ZNF470: variants seen among roughly 807,000 people sequenced by gnomAD.
ZNF470 encodes zinc finger protein 470, also known as chondrogenesis zinc finger protein 1.
A neutral mutation model predicts 13.9 loss-of-function variants in ZNF470; 13 were observed. The ratio of observed to expected loss-of-function variants is 0.94; its 90% confidence interval spans 0.61 to 1.49. The LOEUF (loss-of-function observed/expected upper bound fraction) is 1.49. Among genes scored for constraint, ZNF470 ranks in the 40% most tolerant of loss-of-function variants. The probability of loss-of-function intolerance (pLI) is 0.00; values close to 1 mark genes in which losing one functional copy is unlikely to be tolerated. For synonymous variants in ZNF470, 293 were observed against 282.9 expected (o/e 1.04, Z -0.36); for missense variants, 929 against 857.3 (o/e 1.08, Z -1.04).
chr19:56,573,179 C>T (rs2044467161), intron 3 of ZNF470, among the ~76,000 whole-genome samples: 1 of 152,150 alleles, frequency 6.6e-6, no homozygotes, highest in African/African-American at 2.4e-5. Context: ...TTCACCTGTT[C>T]TTCTTGGCCT....
chr19:56,582,500 G>A lies in ZNF470; in HGVS notation c.*3917G>A. ...TAAATTTTATACTTTATTCACAAGA[G>A]TCACTGTGAATTGAATTGTGAATTC... On this transcript the variant is annotated 3_prime_UTR_variant, in exon 6 of 6. Coordinates refer to ENST00000330619, the MANE Select transcript of ZNF470 (RefSeq NM_001001668.4). 1 of 985,264 alleles carries A rather than the reference G, an allele frequency of 1.0e-6. No individual in the cohort carries two copies. Among genetic ancestry groups the A allele is most frequent in the Non-Finnish European group, 1.2e-6 (1 of 829,794 alleles). The allele number at this position is 985,264 out of a possible 1,614,324, so 61.0% of individuals were successfully genotyped here. A position where few individuals can be genotyped will look rare whatever the true frequency, so the allele number is the denominator to read the frequency against.
chr19:56,574,362 G>C, intron 3 of ZNF470, 32 bp from the exon 4 acceptor site: 1 of 1,613,056 alleles, frequency 6.2e-7, no homozygotes, highest in Non-Finnish European at 8.5e-7. Context: ...TGTGAACACT[G>C]AGTGAGCAAG....
chr19:56,574,041 A>G (rs2044472398), intron 3 of ZNF470: 1 of 776,478 alleles, frequency 1.3e-6, no homozygotes. Context: ...TAGCTTCTCC[A>G]TGTAGAGAAG....
rs2044533813 is a variant in ZNF470, at chr19:56,581,306, A to G, written c.*2723A>G. The G allele has an allele frequency of 1.3e-6, 1 of 799,002 alleles. No individual in the cohort carries two copies. The highest frequency in any genetic ancestry group is 1.9e-5 in the African/African-American group (1 of 53,400). 49.5% of individuals were successfully genotyped at this position (799,002 alleles called of 1,614,324 possible). On this transcript the variant is annotated 3_prime_UTR_variant, in exon 6 of 6. Transcript: ENST00000330619. ...TAAAGTGATTATCTACTTTTTCCCC[A>G]AAAGACTGACTAATCGAGTGATAAC...
chr19:56,569,751 T>G (rs970352862), intron 2 of ZNF470, among the ~76,000 whole-genome samples: 1 of 151,834 alleles, frequency 6.6e-6, no homozygotes, highest in Non-Finnish European at 1.5e-5. Flanking sequence ...GATACCTAAC[T>G]CCAGGAGGTT....
At chr19:56,571,295 G>C (rs1396048856) in intron 3 of ZNF470, among the ~76,000 whole-genome samples, 1 of 152,188 alleles carries the variant, frequency 6.6e-6, no homozygotes, top group Non-Finnish European at 1.5e-5. Flanking sequence ...GCTGTTAATA[G>C]AGTGTTGCAG....
Position 56,576,978 on chromosome 19 carries a change from G to T in ZNF470, c.549G>T (p.Leu183=), listed in dbSNP as rs373697538. 6 of 1,591,530 alleles carry T rather than the reference G, an allele frequency of 3.8e-6. No homozygotes were observed. In the African/African-American group the frequency reaches 8.2e-5, roughly 22 times the overall value. The change falls in exon 6 of 6, where the codon CTG becomes CTT. Residue 183 remains leucine, a synonymous_variant. Transcript: ENST00000330619. ...HSNKSGTVFH[L]NTLSYIKQIF... ...ACAAATCTGGGACAGTTTTTCATCTGAATACATTATCTTATATAAAACAGA... is the reference window on the plus strand; with the variant it reads ...ACAAATCTGGGACAGTTTTTCATCTTAATACATTATCTTATATAAAACAGA...
In ZNF470 at chr19:56,578,669, T is replaced by C. The variant is rs1224485438; in HGVS notation, c.*86T>C. ...CATAGTCCAAGACGCAACCATCTCA[T>C]CTGGATTTCTGCAGTAGCATAACTG... On this transcript the variant is annotated 3_prime_UTR_variant, in exon 6 of 6. Coordinates refer to ENST00000330619, the MANE Select transcript of ZNF470 (RefSeq NM_001001668.4). 2 of 1,345,274 alleles carry C rather than the reference T, an allele frequency of 1.5e-6. No individual in the cohort carries two copies. The highest frequency in any genetic ancestry group is 1.9e-6 in the Non-Finnish European group (2 of 1,043,886). The allele number at this position is 1,345,274 out of a possible 1,614,324, so 83.3% of individuals were successfully genotyped here.
At chr19:56,569,742 A>G (rs1327830337) in intron 2 of ZNF470, among the ~76,000 whole-genome samples, 2 of 152,020 alleles carry the variant, frequency 1.3e-5, no homozygotes, top group Non-Finnish European at 2.9e-5. Flanking sequence ...GGTTGACCAG[A>G]TACCTAACTC....
rs986311734 is a variant in ZNF470 at position 56,577,581 on chromosome 19, A to T, written c.1152A>T (p.Ile384=). 6.8e-6 allele frequency: 11 copies of T among 1,613,746 alleles called. No individual in the cohort carries two copies. In the Admixed American group the frequency reaches 1.2e-4, roughly 17 times the overall value. The change falls in exon 6 of 6, where the codon ATA becomes ATT. Residue 384 remains isoleucine, a synonymous_variant. Coordinates refer to ENST00000330619, the MANE Select transcript of ZNF470 (RefSeq NM_001001668.4). The stretch of plus-strand genomic sequence containing the variant: ...CTTTCAGGCAGAATGCTTCTCTTAT[A>T]CGTCATCGGCGATATTATCATACTG... ...GKAFRQNASL[I]RHRRYYHTGE... is the part of the protein sequence containing the mutation.
At chr19:56,569,914 C>G (rs964739212) in intron 2 of ZNF470, among the ~76,000 whole-genome samples, 2 of 151,986 alleles carry the variant, frequency 1.3e-5, no homozygotes, top group Admixed American at 1.3e-4. Context: ...CCCTTGAGCC[C>G]AGAGTTTGAA....
intron 2 of ZNF470, among the ~76,000 whole-genome samples, chr19:56,570,001 T>C (rs932347773): frequency 1.7e-5 from 1 of 59,036 alleles, no homozygotes; most frequent in Non-Finnish European, 3.2e-5. Flanking sequence ...AAAAAAAAAA[T>C]GTACACACAC....
chr19:56,574,726 G>A lies in ZNF470; in HGVS notation c.276G>A (p.Leu92=), dbSNP rs770407301. 1 of 1,613,352 alleles carries A rather than the reference G, an allele frequency of 6.2e-7. No homozygotes were observed. Among genetic ancestry groups the A allele is most frequent in the Non-Finnish European group, 8.5e-7 (1 of 1,179,546 alleles). ...WVIKGGMNRG[L]CPDLECVWVT... ...TAAAAGGAGGGATGAACAGAGGCCT[G>A]TGCCCAGGTAAGTGGAGGATACCTA... Residue 92 remains leucine, a synonymous_variant, in exon 5 of 6, where the codon CTG becomes CTA. Transcript: ENST00000330619.
chr19:56,572,805 A>G (rs752112746), intron 3 of ZNF470, among the ~76,000 whole-genome samples: 2 of 152,186 alleles, frequency 1.3e-5, no homozygotes, highest in Non-Finnish European at 2.9e-5. Context: ...AGTAGCCCTT[A>G]GGAATGCAGA....
Position 56,577,838 on chromosome 19 carries a change from T to C in ZNF470, c.1409T>C (p.Leu470Pro). Residue 470 changes from leucine (L) to proline (P), a missense_variant, in exon 6 of 6, where the codon CTT becomes CCT. By Grantham distance (98) the Leu-to-Pro change is moderately conservative (BLOSUM62 -3). Transcript: ENST00000330619. ...KAFSHRGSLT[L>P]HQRVHTGEKP... ...TTCAGCCATCGTGGGTCTCTTACTCTTCATCAGAGAGTTCATACTGGAGAG... is the reference window on the plus strand; with the variant it reads ...TTCAGCCATCGTGGGTCTCTTACTCCTCATCAGAGAGTTCATACTGGAGAG... 1 of 1,612,338 alleles carries C rather than the reference T, an allele frequency of 6.2e-7. No homozygotes were observed.
At position 56,580,792 on chromosome 19, in the gene ZNF470, G is replaced by A; in HGVS notation, c.*2209G>A. On this transcript the variant is annotated 3_prime_UTR_variant, in exon 6 of 6. Coordinates refer to ENST00000330619, the MANE Select transcript of ZNF470 (RefSeq NM_001001668.4). ...CTAGGGGATGGGTAGTCTCACCAGA[G>A]AATGTGGAGCTTTCAGACTCTCCTT... 1 of 966,260 alleles carries A rather than the reference G, an allele frequency of 1.0e-6. No individual in the cohort carries two copies. Among genetic ancestry groups the A allele is most frequent in the Non-Finnish European group, 1.2e-6 (1 of 812,708 alleles). 59.9% of individuals were successfully genotyped at this position (966,260 alleles called of 1,614,324 possible).
In ZNF470 at chr19:56,576,965, C is replaced by T. The variant is rs992750967; in HGVS notation, c.536C>T (p.Thr179Ile). 8 of 1,588,772 alleles carry T rather than the reference C, an allele frequency of 5.0e-6. No individual in the cohort carries two copies. In the Admixed American group the frequency reaches 5.7e-5, roughly 11 times the overall value. The change falls in exon 6 of 6, where the codon ACA becomes ATA. Residue 179 changes from threonine to isoleucine, a missense_variant. Coordinates refer to ENST00000330619, the MANE Select transcript of ZNF470 (RefSeq NM_001001668.4). The part of the protein sequence containing the change: ...EKRDHSNKSG[T>I]VFHLNTLSYI... ...AGAGATCACTCTAACAAATCTGGGA[C>T]AGTTTTTCATCTGAATACATTATCT...
Position 56,578,915 on chromosome 19 carries a change from A to G in ZNF470, c.*332A>G, listed in dbSNP as rs1028004395. Reference sequence around the variant, plus strand: ...AGGTTTCCTTACAAACTATCATATTAAGCAGCAAGTAAACCAAACAGTAAG... The same window carrying G: ...AGGTTTCCTTACAAACTATCATATTGAGCAGCAAGTAAACCAAACAGTAAG... On this transcript the variant is annotated 3_prime_UTR_variant, in exon 6 of 6. Transcript: ENST00000330619. 6.8e-6 allele frequency: 7 copies of G among 1,034,146 alleles called. No homozygotes were observed. The South Asian group carries it at 2.7e-4, about 40-fold the overall frequency. The allele number at this position is 1,034,146 out of a possible 1,614,324, so 64.1% of individuals were successfully genotyped here. A position where few individuals can be genotyped will look rare whatever the true frequency, so the allele number is the denominator to read the frequency against.
In ZNF470 at chr19:56,568,158, A is replaced by G. The variant is rs982356929; in HGVS notation, c.-159+120A>G. 14 of 973,174 alleles carry G rather than the reference A, an allele frequency of 1.4e-5. No individual in the cohort carries two copies. The African/African-American group carries it at 2.5e-4, about 17-fold the overall frequency. 60.3% of individuals were successfully genotyped at this position (973,174 alleles called of 1,614,324 possible). On this transcript the variant is annotated intron_variant, in intron 1 of 5. Transcript: ENST00000330619. ...CCGTTTCTAAGGCTAGTGGACCTGG[A>G]AGTCGAAAGATTTGGAGGGTCACCT...
Sources: allele counts gnomAD v4.1 joint callset (sites outside exome capture counted in the v4.1 genomes callset), GRCh38; gene constraint gnomAD v4.1.1; transcripts MANE v1.5; gene names NCBI Gene and HGNC (gene_info 2026-07-23, HGNC 2026-07-21).